Variants in DGKB observed in about 807,000 individuals in gnomAD.
The protein encoded by DGKB is diacylglycerol kinase beta, also known as 90 kDa diacylglycerol kinase.
DGKB carries 67 observed loss-of-function variants against 114.3 expected under a neutral mutation model. The observed-to-expected ratio is 0.59, with a 90% CI of 0.48 to 0.72. The LOEUF (loss-of-function observed/expected upper bound fraction) is 0.72, where lower values mean the gene tolerates loss of function less well. Among genes scored for constraint, DGKB ranks in the 30% least tolerant of loss-of-function variants. DGKB has a pLI of 0.00. For missense variants in DGKB, 907 were observed against 975.2 expected, an observed-to-expected ratio of 0.93 and a Z score of 0.93; for synonymous variants, 398 against 323.1, an observed-to-expected ratio of 1.23 and a Z score of -2.49.
chr7:14,765,069 A>T (rs1224914418), intron 2 of DGKB, among the ~76,000 whole-genome samples: 2 of 152,078 alleles, frequency 1.3e-5, no homozygotes, highest in Admixed American at 6.6e-5. Context: ...AACTATTGTT[A>T]AAAATAATAA....
At chr7:14,243,041 G>A (rs1399619118) in intron 23 of DGKB, among the ~76,000 whole-genome samples, 1 of 151,730 alleles carries the variant, frequency 6.6e-6, no homozygotes, top group Non-Finnish European at 1.5e-5. Flanking sequence ...AATCTTTTAA[G>A]AAAGCAAGTT....
intron 2 of DGKB, among the ~76,000 whole-genome samples, chr7:14,782,324 G>A (rs1028994522): frequency 6.6e-5 from 10 of 151,966 alleles, no homozygotes; most frequent in Non-Finnish European, 7.4e-5. Context: ...CTGTGCCCCC[G>A]GCCTGAATTT....
chr7:14,169,095 C>T (rs112641332), intron 25 of DGKB, among the ~76,000 whole-genome samples: 5,679 of 151,952 alleles, frequency 0.037, 171 homozygotes, highest in East Asian at 0.1. Context: ...TGCAGTGGCT[C>T]ACGCCTGTAA....
intron 21 of DGKB, among the ~76,000 whole-genome samples, chr7:14,421,517 T>C (rs1466403746): frequency 6.6e-6 from 1 of 152,120 alleles, no homozygotes; most frequent in Non-Finnish European, 1.5e-5. Flanking sequence ...TAATATCTAT[T>C]CTAAAACAAG....
At chr7:14,880,772 C>G (rs2128212634) in intron 1 of DGKB, among the ~76,000 whole-genome samples, 1 of 152,268 alleles carries the variant, frequency 6.6e-6, no homozygotes, top group Middle Eastern at 3.4e-3. Flanking sequence ...AAGCTCGTAA[C>G]TTTAATTTAA....
At chr7:14,864,454 C>A (rs1435050008) in intron 1 of DGKB, among the ~76,000 whole-genome samples, 1 of 152,004 alleles carries the variant, frequency 6.6e-6, no homozygotes, top group Non-Finnish European at 1.5e-5. Context: ...TTACCACATT[C>A]TAGTGATACA....
At chr7:14,471,163 T>C (rs955606259) in intron 21 of DGKB, among the ~76,000 whole-genome samples, 1 of 142,726 alleles carries the variant, frequency 7.0e-6, no homozygotes, top group Admixed American at 7.4e-5. Context: ...TAATTTTCCA[T>C]ATATATGGAA....
chr7:14,841,175 T>C lies in DGKB; in HGVS notation c.70+19A>G. 1 of 1,590,826 alleles carries C rather than the reference T, an allele frequency of 6.3e-7. No homozygotes were observed. Among genetic ancestry groups the C allele is most frequent in the Non-Finnish European group, 8.6e-7 (1 of 1,161,928 alleles). On this transcript the variant is annotated intron_variant, in intron 2 of 25. Transcript: ENST00000402815. ...GCACAAATGTCAAATAATCTCATAA[T>C]ATCAATATGAATACTTACACTCAGC...
chr7:14,166,848 C>G (rs1445912064), intron 25 of DGKB, among the ~76,000 whole-genome samples: 1 of 152,022 alleles, frequency 6.6e-6, no homozygotes, highest in African/African-American at 2.4e-5. Context: ...CCAAGAAAAA[C>G]CCTGTCCTAC....
At chr7:14,971,342 T>G (rs1399193237) in intron 1 of DGKB, among the ~76,000 whole-genome samples, 2 of 152,166 alleles carry the variant, frequency 1.3e-5, no homozygotes, top group Non-Finnish European at 2.9e-5. Context: ...AAAATCTCAT[T>G]CATATTGCAG....
chr7:14,906,688 T>TG (rs1783728349), upstream of DGKB, among the ~76,000 whole-genome samples: 1 of 152,104 alleles, frequency 6.6e-6, no homozygotes, highest in African/African-American at 2.4e-5. Context: ...CCTGACCTCG[T>TG]GATCCACCCA....
At chr7:14,413,196 T>C (rs1825169782) in intron 21 of DGKB, among the ~76,000 whole-genome samples, 1 of 151,596 alleles carries the variant, frequency 6.6e-6, no homozygotes. Flanking sequence ...CACAAGGACA[T>C]GAGAATGAAA....
At chr7:14,205,672 C>G (rs535132441) in intron 23 of DGKB, among the ~76,000 whole-genome samples, 1 of 152,074 alleles carries the variant, frequency 6.6e-6, no homozygotes, top group Admixed American at 6.6e-5. Context: ...ACAGGACATG[C>G]TCTTTCCAAT....
intron 23 of DGKB, among the ~76,000 whole-genome samples, chr7:14,299,632 A>G (rs1803162714): frequency 6.6e-6 from 1 of 152,094 alleles, no homozygotes; most frequent in Non-Finnish European, 1.5e-5. Flanking sequence ...TAGTGATAAC[A>G]TTTTCTTAAT....
chr7:14,304,470 C>T lies in DGKB; in HGVS notation c.2122+34045G>A, dbSNP rs554675749. 6.3e-5 allele frequency among the ~76,000 whole-genome samples: 9 copies of T among 142,330 alleles called. No individual in the cohort carries two copies. The South Asian group carries it at 1.7e-3, about 28-fold the overall frequency. The allele number at this position is 142,330 out of a possible 152,430, so 93.4% of individuals were successfully genotyped here. On this transcript the variant is annotated intron_variant, in intron 23 of 25. Transcript: ENST00000402815. ...TGCCAAATCTCATAGCATTCACTTA[C>T]ATCTACTTTTCTGCCTCAGAAGGCT...
chr7:14,922,161 A>AGATG (rs1306657853), intron 1 of DGKB, among the ~76,000 whole-genome samples: 5 of 152,146 alleles, frequency 3.3e-5, no homozygotes, highest in Non-Finnish European at 5.9e-5. Context: ...AAGAAAAGCA[A>AGATG]GATGGAAGAG....
Position 14,937,025 on chromosome 7 carries a change from TACACACACACACACACACAC to T in DGKB, c.-188+37651_-188+37670del, listed in dbSNP as rs56176139. Among the ~76,000 whole-genome samples the T allele has an allele frequency of 4.6e-3, 613 of 132,352 alleles. 4 individuals are homozygous for T. Among genetic ancestry groups the T allele is most frequent in the African/African-American group, 0.016 (585 of 35,764 alleles). 86.8% of individuals were successfully genotyped at this position (132,352 alleles called of 152,430 possible). ...TATTGATGTGATTATGTCCATTCAC[TACACACACACACACACACAC>T]ACACACACACACACACACACACACA... On this transcript the variant is annotated intron_variant, in intron 1 of 4. Transcript: ENST00000437998.
intron 1 of DGKB, among the ~76,000 whole-genome samples, chr7:14,922,162 G>T (rs1784534517): frequency 6.6e-6 from 1 of 152,036 alleles, no homozygotes; most frequent in South Asian, 2.1e-4. Flanking sequence ...AGAAAAGCAA[G>T]ATGGAAGAGC....
At chr7:14,575,514 C>T (rs1051691484) in intron 19 of DGKB, among the ~76,000 whole-genome samples, 2 of 152,200 alleles carry the variant, frequency 1.3e-5, no homozygotes, top group African/African-American at 2.4e-5. Context: ...TCTTCCTCAA[C>T]ATTAGTTTCC....
Sources: gnomAD v4.1 joint callset for allele counts (sites outside exome capture counted in the v4.1 genomes callset) on GRCh38, gnomAD v4.1.1 for gene constraint, MANE v1.5 for transcripts, NCBI Gene and HGNC (gene_info 2026-07-23, HGNC 2026-07-21) for gene names.